Variants in EHHADH observed in about 807,000 individuals in gnomAD.
EHHADH encodes peroxisomal bifunctional enzyme.
In EHHADH, 48 loss-of-function variants were observed where a neutral mutation model predicts 64.4. The ratio of observed to expected loss-of-function variants is 0.75; its 90% confidence interval spans 0.59 to 0.95. EHHADH has a LOEUF of 0.95. Among genes scored for constraint, EHHADH ranks in the 40% least tolerant of loss-of-function variants. The pLI is 0.00. For synonymous variants in EHHADH, 308 were observed against 326.7 expected (o/e 0.94, Z 0.62); for missense variants, 854 against 876.6 (o/e 0.97, Z 0.33).
intron 5 of EHHADH, among the ~76,000 whole-genome samples, chr3:185,215,362 A>G (rs760827033): frequency 9.2e-5 from 14 of 152,178 alleles, no homozygotes; most frequent in Non-Finnish European, 1.9e-4. Context: ...CAACAATAGG[A>G]ATGGCTCTCA....
At chr3:185,221,398 TTAAACTGTATTTATTATACCATTA>T (rs1360610163) in intron 4 of EHHADH, among the ~76,000 whole-genome samples, 2 of 152,146 alleles carry the variant, frequency 1.3e-5, no homozygotes, top group Non-Finnish European at 1.5e-5. Flanking sequence ...TTCACATTCT[TTAAACTGTATTTATTATACCATTA>T]TAAATTAAAA....
intron 2 of EHHADH, among the ~76,000 whole-genome samples, chr3:185,244,303 T>C (rs1409381354): frequency 6.6e-6 from 1 of 152,210 alleles, no homozygotes; most frequent in African/African-American, 2.4e-5. Context: ...TTTGCCTGTC[T>C]ATATGTTTAA....
chr3:185,246,455 G>A, intron 2 of EHHADH: 1 of 444,102 alleles, frequency 2.3e-6, no homozygotes, highest in Admixed American at 4.5e-5. Context: ...TGCGATTCCA[G>A]TGGGCTCCGC....
intron 1 of EHHADH, among the ~76,000 whole-genome samples, chr3:185,250,805 C>T (rs2108654224): frequency 6.6e-6 from 1 of 152,244 alleles, no homozygotes; most frequent in Non-Finnish European, 1.5e-5. Flanking sequence ...CCAAATCTGA[C>T]CATGAAAAGC....
At chr3:185,204,082 G>A (rs926615512) in intron 6 of EHHADH, among the ~76,000 whole-genome samples, 18 of 137,758 alleles carry the variant, frequency 1.3e-4, no homozygotes, top group African/African-American at 3.9e-4. Context: ...GCAGTGAACC[G>A]AGATTGAGCC....
At chr3:185,238,746 T>C (rs1425732988) in intron 2 of EHHADH, among the ~76,000 whole-genome samples, 1 of 152,198 alleles carries the variant, frequency 6.6e-6, no homozygotes, top group Admixed American at 6.6e-5. Flanking sequence ...ATTCTGTAGG[T>C]TGTCTGTTTA....
intron 5 of EHHADH, among the ~76,000 whole-genome samples, chr3:185,211,341 T>C (rs1718535146): frequency 6.6e-6 from 1 of 152,226 alleles, no homozygotes; most frequent in Non-Finnish European, 1.5e-5. Context: ...TTGAATTCTT[T>C]CCTTGACCCA....
chr3:185,196,283 TA>T (rs1383613321), intron 6 of EHHADH, among the ~76,000 whole-genome samples: 5 of 152,224 alleles, frequency 3.3e-5, no homozygotes, highest in African/African-American at 1.2e-4. Flanking sequence ...ACAATAAAAA[TA>T]AATTTCATTT....
intron 6 of EHHADH, among the ~76,000 whole-genome samples, chr3:185,202,679 T>C (rs1718262603): frequency 6.6e-6 from 1 of 152,180 alleles, no homozygotes; most frequent in Non-Finnish European, 1.5e-5. Flanking sequence ...CGAACCCTAT[T>C]GTGAACTGCG....
chr3:185,216,226 G>C lies in EHHADH; in HGVS notation c.568+1910C>G, dbSNP rs1259565299. Among the ~76,000 whole-genome samples, 1 of 152,174 alleles carries C rather than the reference G, an allele frequency of 6.6e-6. No individual in the cohort carries two copies. Among genetic ancestry groups the C allele is most frequent in the Non-Finnish European group, 1.5e-5 (1 of 68,022 alleles). On this transcript the variant is annotated intron_variant, in intron 5 of 6. Transcript: ENST00000231887. This position sits in a 1 kb window ranked among gnomAD's most constrained non-coding sequence, Gnocchi z 5.3. The stretch of plus-strand genomic sequence containing the variant: ...GAAATGTAGCTAAGGTTGAGACCTG[G>C]ATCCAGGTCTCCTAGATCATGAACC...
chr3:185,212,997 G>A (rs942213473), intron 5 of EHHADH, among the ~76,000 whole-genome samples: 6 of 151,660 alleles, frequency 4.0e-5, no homozygotes, highest in African/African-American at 1.2e-4. Context: ...CCTTGTGCCT[G>A]TAATCCCAGT....
intron 2 of EHHADH, among the ~76,000 whole-genome samples, chr3:185,237,372 T>C (rs1719324882): frequency 6.6e-6 from 1 of 152,238 alleles, no homozygotes; most frequent in Non-Finnish European, 1.5e-5. Flanking sequence ...CTAGCTTTAC[T>C]GGTTTATCAA....
At chr3:185,201,672 TTCTA>T (rs1718231156) in intron 6 of EHHADH, among the ~76,000 whole-genome samples, 1 of 152,232 alleles carries the variant, frequency 6.6e-6, no homozygotes, top group South Asian at 2.1e-4. Flanking sequence ...CTTACTTGAT[TTCTA>T]TCTACGTGTC....
chr3:185,202,657 C>T (rs924904845), intron 6 of EHHADH, among the ~76,000 whole-genome samples: 1 of 152,172 alleles, frequency 6.6e-6, no homozygotes, highest in Non-Finnish European at 1.5e-5. Flanking sequence ...GTATTAGACT[C>T]TCACAGGAGC....
intron 5 of EHHADH, among the ~76,000 whole-genome samples, chr3:185,210,802 C>A (rs1326212171): frequency 6.6e-6 from 1 of 151,364 alleles, no homozygotes; most frequent in Admixed American, 6.6e-5. Context: ...TCATTTTAGG[C>A]CAGAGATTGA....
chr3:185,245,394 A>C (rs1719568591), intron 2 of EHHADH: 1 of 532,792 alleles, frequency 1.9e-6, no homozygotes, highest in Non-Finnish European at 3.2e-6. Context: ...TGGTATATCC[A>C]CTCTGATGGC....
At chr3:185,217,815 AG>A (rs1237493272) in intron 5 of EHHADH, among the ~76,000 whole-genome samples, 3 of 148,440 alleles carry the variant, frequency 2.0e-5, no homozygotes. Context: ...CCCAGGATGG[AG>A]TGCAGTGGCG....
At position 185,248,411 on chromosome 3, in the gene EHHADH, T is replaced by C. The variant is rs748379156; in HGVS notation, c.178+3A>G. On this transcript the variant is annotated splice_donor_region_variant and intron_variant, in intron 2 of 6. Coordinates refer to ENST00000231887, the MANE Select transcript of EHHADH (RefSeq NM_001966.4). ...TGGTGGGAGAGGGTTAGACTTGAGT[T>C]ACCTGCAGAAAATTTGCCCTCTGCT... 8 of 1,607,396 alleles carry C rather than the reference T, an allele frequency of 5.0e-6. No homozygotes were observed. The highest frequency in any genetic ancestry group is 6.8e-6 in the Non-Finnish European group (8 of 1,173,884).
At chr3:185,194,741 C>T (rs1718009029) in intron 6 of EHHADH, among the ~76,000 whole-genome samples, 1 of 126,750 alleles carries the variant, frequency 7.9e-6, no homozygotes, top group Non-Finnish European at 1.6e-5. Context: ...TTGAGGATTG[C>T]AGTGAGCTAT....
Sources: gnomAD v4.1 joint callset for allele counts (sites outside exome capture counted in the v4.1 genomes callset) on GRCh38, gnomAD v4.1.1 for gene constraint, Gnocchi (gnomAD v3.1) non-coding constraint, MANE v1.5 for transcripts, NCBI Gene and HGNC (gene_info 2026-07-23, HGNC 2026-07-21) for gene names.